DLGAP2: variants seen among roughly 807,000 people sequenced by gnomAD.
The protein encoded by DLGAP2 is DLG associated protein 2.
A neutral mutation model predicts 100.3 loss-of-function variants in DLGAP2; 26 were observed. The ratio of observed to expected loss-of-function variants is 0.26; its 90% CI spans 0.19 to 0.36. DLGAP2 has a LOEUF of 0.36. DLGAP2 is among the 10% of genes least tolerant of loss of function. DLGAP2 has a pLI of 1.00. For synonymous variants in DLGAP2, 886 were observed against 630.1 expected (o/e 1.41, Z -6.08); for missense variants, 1,858 against 1,453.2 (o/e 1.28, Z -4.53).
intron 1 of DLGAP2, among the ~76,000 whole-genome samples, chr8:763,782 G>T (rs1821145038): frequency 6.6e-6 from 1 of 152,170 alleles, no homozygotes; most frequent in Non-Finnish European, 1.5e-5. Context: ...CCCGATACTT[G>T]GTGGTAGAAT....
At chr8:1,652,043 G>T (rs993905758) in intron 8 of DLGAP2, among the ~76,000 whole-genome samples, 1 of 152,180 alleles carries the variant, frequency 6.6e-6, no homozygotes, top group East Asian at 1.9e-4. Context: ...TTTTCCTTGA[G>T]AATTAAGTTG....
intron 2 of DLGAP2, among the ~76,000 whole-genome samples, chr8:1,165,185 G>A (rs1180529752): frequency 6.7e-6 from 1 of 148,550 alleles, no homozygotes; most frequent in African/African-American, 2.5e-5. Context: ...AGGGAGGGTG[G>A]GAGGGAAGGA....
rs141959277 is a variant in DLGAP2 at position 792,123 on chromosome 8, A to T, written c.18+54298A>T. Among the ~76,000 whole-genome samples the T allele has an allele frequency of 6.4e-4, 97 of 152,338 alleles. 1 individual carries two copies. Among genetic ancestry groups the T allele is most frequent in the African/African-American group, 1.6e-3 (68 of 41,570 alleles). On this transcript the variant is annotated intron_variant, in intron 1 of 14. Coordinates refer to ENST00000637795, the MANE Select transcript of DLGAP2 (RefSeq NM_001346810.2). ...GAAGAATGATTATAATATGGTTTTA[A>T]TTAAATTCCAAGAGTTCTAGAGAGG...
intron 3 of DLGAP2, among the ~76,000 whole-genome samples, chr8:1,415,645 T>C (rs952598554): frequency 2.0e-5 from 3 of 152,202 alleles, no homozygotes; most frequent in African/African-American, 7.2e-5. Flanking sequence ...CGTGATTCCA[T>C]TCTCTCTTAC....
chr8:1,682,235 G>C (rs1253303304), intron 12 of DLGAP2, among the ~76,000 whole-genome samples: 1 of 152,156 alleles, frequency 6.6e-6, no homozygotes, highest in African/African-American at 2.4e-5. Context: ...TCCCGCGTTA[G>C]CCATTGGAAA....
At chr8:851,093 G>A (rs1167500954) in intron 1 of DLGAP2, among the ~76,000 whole-genome samples, 4 of 152,310 alleles carry the variant, frequency 2.6e-5, no homozygotes, top group African/African-American at 9.6e-5. Flanking sequence ...CTGTTTGTTT[G>A]TGCCATAGGT....
intron 3 of DLGAP2, among the ~76,000 whole-genome samples, chr8:1,335,043 T>G (rs980619068): frequency 4.6e-5 from 7 of 152,132 alleles, no homozygotes; most frequent in Non-Finnish European, 7.3e-5. Context: ...TGTTGCTGCA[T>G]TGTCTAGAAA....
chr8:822,369 C>A (rs1028901418), intron 1 of DLGAP2, among the ~76,000 whole-genome samples: 3 of 152,072 alleles, frequency 2.0e-5, no homozygotes, highest in Admixed American at 6.5e-5. Flanking sequence ...ATGGTAAGGC[C>A]GGGGGTGAGT....
At chr8:1,356,759 C>T (rs1299030531) in intron 3 of DLGAP2, among the ~76,000 whole-genome samples, 1 of 152,140 alleles carries the variant, frequency 6.6e-6, no homozygotes, top group Non-Finnish European at 1.5e-5. Flanking sequence ...GAAAAACAGA[C>T]AGTGGGATAT....
rs544465592 is a variant in DLGAP2 at position 1,211,476 on chromosome 8, C to T, written c.74-47375C>T. 3.9e-5 allele frequency among the ~76,000 whole-genome samples: 6 copies of T among 152,344 alleles called. No individual in the cohort carries two copies. The East Asian group carries it at 9.6e-4, about 24-fold the overall frequency. ...TAAATCCAGAATTCATTAAAAATTT[C>T]CCAACAATGATATAAAGTACTCTCA... is the stretch of plus-strand genomic sequence containing the variant. On this transcript the variant is annotated intron_variant, in intron 2 of 14. Coordinates refer to ENST00000637795, the MANE Select transcript of DLGAP2 (RefSeq NM_001346810.2).
intron 4 of DLGAP2, among the ~76,000 whole-genome samples, chr8:1,515,090 A>G (rs1800319472): frequency 6.6e-6 from 1 of 152,070 alleles, no homozygotes; most frequent in Non-Finnish European, 1.5e-5. Flanking sequence ...CAGAAAACGC[A>G]TGTTTGGCCT....
At chr8:955,118 G>A (rs1187057596) in intron 2 of DLGAP2, among the ~76,000 whole-genome samples, 1 of 151,908 alleles carries the variant, frequency 6.6e-6, no homozygotes, top group East Asian at 1.9e-4. Context: ...TTGAAGGTTT[G>A]CCATTGACAC....
intron 1 of DLGAP2, among the ~76,000 whole-genome samples, chr8:852,645 G>A (rs149829315): frequency 2.0e-5 from 3 of 152,270 alleles, no homozygotes; most frequent in African/African-American, 7.2e-5. Context: ...CCCAGTAGAC[G>A]GGATTTGTAC....
At chr8:1,115,409 CTTG>C (rs1805086332) in intron 2 of DLGAP2, among the ~76,000 whole-genome samples, 1 of 152,182 alleles carries the variant, frequency 6.6e-6, no homozygotes, top group Non-Finnish European at 1.5e-5. Context: ...GTTAGGCCTT[CTTG>C]TTGAATTGAA....
chr8:1,263,968 T>G (rs964676507), intron 3 of DLGAP2, among the ~76,000 whole-genome samples: 2 of 152,194 alleles, frequency 1.3e-5, no homozygotes, highest in Non-Finnish European at 2.9e-5. Context: ...AGCCAGTCTG[T>G]CTTCTAGGAC....
At chr8:1,153,072 A>G (rs1185941429) in intron 2 of DLGAP2, among the ~76,000 whole-genome samples, 2 of 152,170 alleles carry the variant, frequency 1.3e-5, no homozygotes, top group Non-Finnish European at 2.9e-5. Context: ...CTTTTATTTC[A>G]AGAAACTACC....
chr8:767,896 G>C (rs1170920195), intron 1 of DLGAP2, among the ~76,000 whole-genome samples: 5 of 152,196 alleles, frequency 3.3e-5, no homozygotes, highest in African/African-American at 1.2e-4. Context: ...GGCTTCATTT[G>C]TGCCAGTGAT....
chr8:1,173,782 G>T (rs1291731603), intron 2 of DLGAP2, among the ~76,000 whole-genome samples: 1 of 152,202 alleles, frequency 6.6e-6, no homozygotes, highest in African/African-American at 2.4e-5. Context: ...GGTGCCGTCT[G>T]TCACCCCTTT....
chr8:881,731 C>T (rs942097188), intron 1 of DLGAP2, among the ~76,000 whole-genome samples: 6 of 145,270 alleles, frequency 4.1e-5, no homozygotes, highest in African/African-American at 1.6e-4. Context: ...GTTGGCCAGG[C>T]TGGTCTCGAA....
Sources: gnomAD v4.1 joint callset for allele counts (sites outside exome capture counted in the v4.1 genomes callset) on GRCh38, gnomAD v4.1.1 for gene constraint, MANE v1.5 for transcripts, NCBI Gene and HGNC (gene_info 2026-07-23, HGNC 2026-07-21) for gene names.